Variants in ADH1A observed in about 807,000 individuals in gnomAD.
ADH1A encodes alcohol dehydrogenase 1A.
Under a neutral mutation model 35.2 loss-of-function variants are expected in ADH1A, and 29 were observed. That is an observed-to-expected ratio of 0.82 (90% CI 0.61 to 1.12). The LOEUF (loss-of-function observed/expected upper bound fraction) is 1.12, where lower values mean the gene tolerates loss of function less well. Among genes scored for constraint, ADH1A ranks in the 50% most tolerant of loss-of-function variants. The pLI is 0.00. For missense variants in ADH1A, 469 were observed against 464.7 expected, an observed-to-expected ratio of 1.01 and a Z score of -0.09; for synonymous variants, 147 against 164.8, an observed-to-expected ratio of 0.89 and a Z score of 0.83.
intron 8 of ADH1A, among the ~76,000 whole-genome samples, chr4:99,278,197 CCAT>C (rs1197883842): frequency 1.3e-5 from 2 of 151,998 alleles, no homozygotes; most frequent in Non-Finnish European, 2.9e-5. Flanking sequence ...TCTATATTTG[CCAT>C]CATCTTTTCA....
At position 99,276,388 on chromosome 4, in the gene ADH1A, A is replaced by G. The variant is rs1422679498; in HGVS notation, c.*236T>C. The G allele has an allele frequency of 1.3e-5, 7 of 555,876 alleles. No individual in the cohort carries two copies. The highest frequency in any genetic ancestry group is 2.2e-5 in the Non-Finnish European group (7 of 315,008). The allele number at this position is 555,876 out of a possible 1,614,324, so 34.4% of individuals were successfully genotyped here. On this transcript the variant is annotated 3_prime_UTR_variant, in exon 9 of 9. Transcript: ENST00000209668. Reference sequence around the variant, plus strand: ...GTAGAATGGTTAAGAAGGAAGGTTTATTGGCTTCAATTCCCCAGCTGATGT... The same window carrying G: ...GTAGAATGGTTAAGAAGGAAGGTTTGTTGGCTTCAATTCCCCAGCTGATGT...
At position 99,284,556 on chromosome 4, in the gene ADH1A, G is replaced by A; in HGVS notation, c.410C>T (p.Pro137Leu). ...GTSRFTCRRK[P>L]IHHFLGISTF... ...GCTGATGCCAAGGAAGTGGTGGATG[G>A]GCTTCCTCCTGCAGGTGAACCTGCT... is the stretch of plus-strand genomic sequence containing the variant. The change falls in exon 5 of 9, where the codon CCC (proline) becomes CTC (leucine). Residue 137 changes from proline to leucine, a missense_variant. By Grantham distance (98) the Pro-to-Leu change is moderately conservative (BLOSUM62 -3). Coordinates refer to ENST00000209668, the MANE Select transcript of ADH1A (RefSeq NM_000667.4). 1.9e-6 allele frequency: 3 copies of A among 1,614,222 alleles called. No individual in the cohort carries two copies. Among genetic ancestry groups the A allele is most frequent in the Non-Finnish European group, 2.5e-6 (3 of 1,180,044 alleles).
chr4:99,279,547 A>T lies in ADH1A; in HGVS notation c.982T>A (p.Cys328Ser), dbSNP rs770755172. ...AILGGFKSKE[C>S]VPKLVADFMA... ...AAATCAGCCACAAGTTTTGGGACAC[A>T]TTCTTTACTTTTAAAGCCTGAAAAG... Residue 328 changes from cysteine to serine, a missense_variant, in exon 8 of 9, where the codon TGT becomes AGT. Transcript: ENST00000209668. The T allele has an allele frequency of 1.9e-6, 3 of 1,610,456 alleles. No individual in the cohort carries two copies. In the African/African-American group the frequency reaches 4.0e-5, roughly 22 times the overall value.
chr4:99,283,860 T>C (rs1311736533), intron 5 of ADH1A, among the ~76,000 whole-genome samples: 1 of 152,168 alleles, frequency 6.6e-6, no homozygotes, highest in Non-Finnish European at 1.5e-5. Context: ...AATGAGTGAA[T>C]TACGCATCAC....
At chr4:99,276,768 C>T in intron 8 of ADH1A, 120 bp from the exon 9 acceptor site, 4 of 920,994 alleles carry the variant, frequency 4.3e-6, no homozygotes. Context: ...CTAATCCCAC[C>T]CCCATGCATT....
chr4:99,290,382 A>G (rs1034766803), intron 1 of ADH1A, among the ~76,000 whole-genome samples: 1 of 152,188 alleles, frequency 6.6e-6, no homozygotes, highest in Non-Finnish European at 1.5e-5. Context: ...TGATGATTCT[A>G]ATGCTGTGAG....
In ADH1A at chr4:99,282,421, G is replaced by A. The variant is rs757744106; in HGVS notation, c.753C>T (p.Ile251=). 1.8e-5 allele frequency: 29 copies of A among 1,613,930 alleles called. No individual in the cohort carries two copies. Among genetic ancestry groups the A allele is most frequent in the Non-Finnish European group, 2.5e-5 (29 of 1,179,978 alleles). ...CAGTCATTTCCTTTAGCACCTCCTG[G>A]ATGGGTTTCTTGTAGTCTTGAGGGT... ...CINPQDYKKP[I]QEVLKEMTDG... is the part of the protein sequence containing the mutation. The change falls in exon 6 of 9, where the codon ATC becomes ATT. Residue 251 remains isoleucine (I), a synonymous_variant. Coordinates refer to ENST00000209668, the MANE Select transcript of ADH1A (RefSeq NM_000667.4).
chr4:99,283,472 CTATT>C (rs1228666709), intron 5 of ADH1A, among the ~76,000 whole-genome samples: 14 of 113,156 alleles, frequency 1.2e-4, no homozygotes, highest in African/African-American at 2.5e-4. Flanking sequence ...TTAAGGGTGT[CTATT>C]CATTCATTCA....
chr4:99,285,077 T>C (rs1239922539), intron 3 of ADH1A, among the ~76,000 whole-genome samples: 3 of 152,214 alleles, frequency 2.0e-5, no homozygotes, highest in African/African-American at 4.8e-5. Flanking sequence ...TAACAGTTAC[T>C]TTCATGTGGT....
chr4:99,286,670 G>T, intron 3 of ADH1A, 180 bp downstream of exon 3: 1 of 1,002,068 alleles, frequency 1.0e-6, no homozygotes, highest in Non-Finnish European at 1.5e-6. Flanking sequence ...ATACATGCGT[G>T]CCTAAAGACA....
intron 8 of ADH1A, among the ~76,000 whole-genome samples, chr4:99,277,428 T>C (rs1732897385): frequency 6.6e-6 from 1 of 152,104 alleles, no homozygotes; most frequent in Non-Finnish European, 1.5e-5. Context: ...TAGAAAATGA[T>C]GGTCTTTGTG....
chr4:99,287,025 G>C, intron 2 of ADH1A, 37 bp from the exon 3 acceptor site: 1 of 1,587,600 alleles, frequency 6.3e-7, no homozygotes, highest in Non-Finnish European at 8.5e-7. Flanking sequence ...AAAAGATTGT[G>C]AGTCTCAGGT....
At chr4:99,284,353 T>C (rs780236007) in intron 5 of ADH1A, 46 bp downstream of exon 5, 74 of 1,592,828 alleles carry the variant, frequency 4.6e-5, no homozygotes, top group South Asian at 1.4e-4. Flanking sequence ...TTTGGGTTCC[T>C]GACAGTCTGC....
At chr4:99,287,694 A>G (rs769738776) in intron 1 of ADH1A, 29 bp from the exon 2 acceptor site, 1 of 1,610,872 alleles carries the variant, frequency 6.2e-7, no homozygotes, top group Non-Finnish European at 8.5e-7. Flanking sequence ...AGATGGCACC[A>G]GTGTTCTCCC....
intron 3 of ADH1A, among the ~76,000 whole-genome samples, chr4:99,285,628 A>G (rs948229974): frequency 4.1e-4 from 62 of 152,254 alleles, no homozygotes; most frequent in African/African-American, 1.5e-3. Flanking sequence ...AGTAGTTATT[A>G]ATTTATTACT....
Position 99,276,601 on chromosome 4 carries a change from C to T in ADH1A, c.*23G>A. ...GGGTAGAGGAGGCTGAAGACTGCCA[C>T]AAGGGAAAACATCTGTATTGTCTCA... is the stretch of plus-strand genomic sequence containing the variant. On this transcript the variant is annotated 3_prime_UTR_variant, in exon 9 of 9. Transcript: ENST00000209668. 1 of 1,606,788 alleles carries T rather than the reference C, an allele frequency of 6.2e-7. No homozygotes were observed. The highest frequency in any genetic ancestry group is 8.5e-7 in the Non-Finnish European group (1 of 1,173,572).
At chr4:99,287,215 T>C (rs1301509463) in intron 2 of ADH1A, among the ~76,000 whole-genome samples, 1 of 152,202 alleles carries the variant, frequency 6.6e-6, no homozygotes, top group Admixed American at 6.5e-5. Context: ...GTGAAGTAAC[T>C]GATCCTGAAA....
chr4:99,287,697 G>GTTCTCCCA, intron 1 of ADH1A, 32 bp from the exon 2 acceptor site: 1 of 1,608,820 alleles, frequency 6.2e-7, no homozygotes, highest in South Asian at 1.1e-5. Flanking sequence ...TGGCACCAGT[G>GTTCTCCCA]TTCTCCCACG....
At position 99,284,809 on chromosome 4, in the gene ADH1A, G is replaced by A. The variant is rs1733106363; in HGVS notation, c.260-6C>T. The A allele has an allele frequency of 1.9e-6, 3 of 1,611,974 alleles. No individual in the cohort carries two copies. Among genetic ancestry groups the A allele is most frequent in the Admixed American group, 1.7e-5 (1 of 59,998 alleles). Reference sequence around the variant, plus strand: ...GAGTGGGATGACTTTATCACCTGGAGAGGGATAAAACAAATTCTTTTACAA... The same window carrying A: ...GAGTGGGATGACTTTATCACCTGGAAAGGGATAAAACAAATTCTTTTACAA... On this transcript the variant is annotated splice_polypyrimidine_tract_variant and splice_region_variant and intron_variant, in intron 3 of 8. Transcript: ENST00000209668.
Sources: allele counts gnomAD v4.1 joint callset (sites outside exome capture counted in the v4.1 genomes callset), GRCh38; gene constraint gnomAD v4.1.1; transcripts MANE v1.5; gene names NCBI Gene and HGNC (gene_info 2026-07-23, HGNC 2026-07-21).